EVA1A: variants seen among roughly 807,000 people sequenced by gnomAD.
EVA1A encodes the protein protein eva-1 homolog A.
Under a neutral mutation model 9.8 loss-of-function variants are expected in EVA1A, and 7 were observed. The ratio of observed to expected loss-of-function variants is 0.71; its 90% CI spans 0.41 to 1.34. The LOEUF (loss-of-function observed/expected upper bound fraction) is 1.34, where lower values mean the gene tolerates loss of function less well. EVA1A is among the 40% of genes most tolerant of loss of function. The pLI, the probability that EVA1A is intolerant of heterozygous loss-of-function variation, is 0.01. For synonymous variants in EVA1A, 90 were observed against 85.6 expected (o/e 1.05, Z -0.28); for missense variants, 206 against 205.9 (o/e 1.00, Z 0.00).
chr2:75,553,625 T>C (rs4853162), intron 1 of EVA1A, among the ~76,000 whole-genome samples: 132,592 of 152,164 alleles, frequency 0.87, 57,893 homozygotes, highest in African/African-American at 0.9. Flanking sequence ...GCTGTCTCTG[T>C]GAGCACATTA....
Position 75,516,952 on chromosome 2 carries a change from G to A in EVA1A, c.85+1104C>T, listed in dbSNP as rs549920492. Among the ~76,000 whole-genome samples, 6 of 152,308 alleles carry A rather than the reference G, an allele frequency of 3.9e-5. No individual in the cohort carries two copies. In the South Asian group the frequency reaches 6.2e-4, roughly 16 times the overall value. On this transcript the variant is annotated intron_variant, in intron 3 of 3. Transcript: ENST00000393913. ...GAAGGAGGCCCTGGACTTCCTTAAC[G>A]GGGAAGAGGAGCTGACTGGTGACCT...
chr2:75,531,169 A>T lies in EVA1A; in HGVS notation c.-191-8682T>A, dbSNP rs571331724. 1.0e-3 allele frequency among the ~76,000 whole-genome samples: 154 copies of T among 152,346 alleles called. 3 individuals carry two copies. The highest frequency in any genetic ancestry group is 3.6e-3 in the African/African-American group (150 of 41,586). On this transcript the variant is annotated intron_variant, in intron 1 of 3. Coordinates refer to ENST00000393913, the MANE Select transcript of EVA1A (RefSeq NM_001135032.2). The stretch of plus-strand genomic sequence containing the variant: ...CTTTACAATAGCTGCAAAAACAAAA[A>T]TAAAGTATTTAGGAATATACATAAC...
At chr2:75,557,040 T>C (rs1676736750) in intron 1 of EVA1A, among the ~76,000 whole-genome samples, 1 of 152,122 alleles carries the variant, frequency 6.6e-6, no homozygotes, top group African/African-American at 2.4e-5. Context: ...CCCTGGCCCC[T>C]AAAAAACCCA....
At chr2:75,524,153 T>A (rs963933586) in intron 1 of EVA1A, 3 of 152,278 alleles carry the variant, frequency 2.0e-5, no homozygotes, top group Non-Finnish European at 4.4e-5. Flanking sequence ...TACAGAACTG[T>A]GAGTCAATTA....
rs565340767 is a variant in EVA1A, at chr2:75,551,857, C to T, written c.-192+8823G>A. 3.7e-4 allele frequency among the ~76,000 whole-genome samples: 56 copies of T among 152,282 alleles called. 1 individual carries two copies. In the South Asian group the frequency reaches 3.7e-3, roughly 10 times the overall value. ...CCATAACCCTCCGTAACCAACTGAT[C>T]CATGCCATGACTTCACTACCTTTGG... On this transcript the variant is annotated intron_variant, in intron 1 of 3. Transcript: ENST00000393913.
chr2:75,523,551 A>C (rs1675305483), intron 1 of EVA1A, among the ~76,000 whole-genome samples: 1 of 152,178 alleles, frequency 6.6e-6, no homozygotes, highest in Admixed American at 6.5e-5. Context: ...ACTGATAAGC[A>C]CCTGGGGATG....
chr2:75,495,419 A>T (rs10187673), intron 3 of EVA1A, among the ~76,000 whole-genome samples: 66,813 of 151,948 alleles, frequency 0.44, 15,368 homozygotes, highest in African/African-American at 0.58. Flanking sequence ...TGAAGACCAC[A>T]GTGTTCTCCC....
chr2:75,496,696 T>C (rs1476754484), intron 3 of EVA1A, among the ~76,000 whole-genome samples: 1 of 152,090 alleles, frequency 6.6e-6, no homozygotes, highest in East Asian at 1.9e-4. Context: ...CTAAAACTCA[T>C]ATGGAACCAA....
intron 1 of EVA1A, chr2:75,542,197 C>T (rs141331227): frequency 0.016 from 2,411 of 154,650 alleles, 57 homozygotes; most frequent in African/African-American, 0.055. Context: ...GCCTCCCCAG[C>T]CACGTGGAAC....
intron 1 of EVA1A, among the ~76,000 whole-genome samples, chr2:75,547,000 G>T (rs1158306362): frequency 6.6e-6 from 1 of 151,688 alleles, no homozygotes; most frequent in Non-Finnish European, 1.5e-5. Context: ...AGAGGGCATG[G>T]CCCTGCTGAC....
intron 3 of EVA1A, among the ~76,000 whole-genome samples, chr2:75,501,270 G>A (rs945264961): frequency 2.0e-5 from 3 of 152,120 alleles, no homozygotes; most frequent in African/African-American, 7.2e-5. Flanking sequence ...CAATAAAACT[G>A]AGTCTTTCTT....
intron 3 of EVA1A, among the ~76,000 whole-genome samples, chr2:75,500,792 T>C (rs932465744): frequency 7.6e-5 from 11 of 144,128 alleles, no homozygotes; most frequent in African/African-American, 2.7e-4. Context: ...TCAGTCATTA[T>C]GCCCAATGCC....
At chr2:75,498,816 TA>T (rs1491286690) in intron 3 of EVA1A, among the ~76,000 whole-genome samples, 2 of 140,514 alleles carry the variant, frequency 1.4e-5, no homozygotes, top group Non-Finnish European at 1.5e-5. Flanking sequence ...TTTTTTTTTT[TA>T]AAAAGATGGT....
intron 1 of EVA1A, among the ~76,000 whole-genome samples, chr2:75,553,080 C>T (rs980142132): frequency 6.6e-6 from 1 of 152,190 alleles, no homozygotes; most frequent in African/African-American, 2.4e-5. Flanking sequence ...CCAGCCATGC[C>T]TATCTGCCTT....
At chr2:75,530,180 C>T (rs1325716943) in intron 1 of EVA1A, among the ~76,000 whole-genome samples, 3 of 152,120 alleles carry the variant, frequency 2.0e-5, no homozygotes, top group African/African-American at 7.2e-5. Flanking sequence ...AAATACACAG[C>T]CCTCTCTGGA....
chr2:75,508,239 C>A (rs1396050469), intron 3 of EVA1A, among the ~76,000 whole-genome samples: 1 of 152,142 alleles, frequency 6.6e-6, no homozygotes, highest in Admixed American at 6.5e-5. Flanking sequence ...AGCAATTGTT[C>A]AGGGAATAAG....
chr2:75,552,012 T>A lies in EVA1A; in HGVS notation c.-192+8668A>T, dbSNP rs142579509. ...CCTGGTCAACATAGTGAGACCCTGC[T>A]CTACAAAAAGTTTTACAAATTAGCT... On this transcript the variant is annotated intron_variant, in intron 1 of 3. Coordinates refer to ENST00000393913, the MANE Select transcript of EVA1A (RefSeq NM_001135032.2). Among the ~76,000 whole-genome samples the A allele has an allele frequency of 4.9e-3, 745 of 152,172 alleles. 7 individuals are homozygous for A. The highest frequency in any genetic ancestry group is 0.017 in the African/African-American group (719 of 41,524).
At chr2:75,546,327 A>T (rs1187538642) in intron 1 of EVA1A, among the ~76,000 whole-genome samples, 2 of 152,174 alleles carry the variant, frequency 1.3e-5, no homozygotes, top group Non-Finnish European at 2.9e-5. Context: ...AGTCCCCAGA[A>T]TGCAACAGGA....
At chr2:75,533,485 T>TA (rs1230387248) in intron 1 of EVA1A, among the ~76,000 whole-genome samples, 3 of 152,104 alleles carry the variant, frequency 2.0e-5, no homozygotes, top group Admixed American at 6.5e-5. Flanking sequence ...TAAAGTCCTC[T>TA]AAAAAGAAAG....
Sources: gnomAD v4.1 joint callset for allele counts (sites outside exome capture counted in the v4.1 genomes callset) on GRCh38, gnomAD v4.1.1 for gene constraint, MANE v1.5 for transcripts, NCBI Gene and HGNC (gene_info 2026-07-23, HGNC 2026-07-21) for gene names.